Variants in NF2 observed in about 807,000 individuals in gnomAD.
NF2 encodes the protein NF2, moesin-ezrin-radixin like (MERLIN) tumor suppressor.
NF2 carries 8 observed loss-of-function variants against 83.7 expected under a neutral mutation model. The ratio of observed to expected loss-of-function variants is 0.10; its 90% CI spans 0.06 to 0.17. The LOEUF (loss-of-function observed/expected upper bound fraction) is 0.17, where lower values mean the gene tolerates loss of function less well. NF2 is among the 10% of genes least tolerant of loss of function. The pLI, the probability that NF2 is intolerant of heterozygous loss-of-function variation, is 1.00. For missense variants in NF2, 533 were observed against 744.4 expected, an observed-to-expected ratio of 0.72 and a Z score of 3.31; for synonymous variants, 266 against 269.6, an observed-to-expected ratio of 0.99 and a Z score of 0.13.
At chr22:29,684,445 T>A (rs1402266951) in intron 15 of NF2, among the ~76,000 whole-genome samples, 1 of 152,186 alleles carries the variant, frequency 6.6e-6, no homozygotes, top group Non-Finnish European at 1.5e-5. Flanking sequence ...AGGTGTTCCC[T>A]CCATGGGAAG....
At position 29,621,771 on chromosome 22, in the gene NF2, G is replaced by A. The variant is rs544575574; in HGVS notation, c.115-14980G>A. On this transcript the variant is annotated intron_variant, in intron 1 of 15. Transcript: ENST00000338641. ...CTCAGCCTCTCCTCCACTTCCTCAC[G>A]CACCCTCTTGCTCTGAGCCTATTAT... is the stretch of plus-strand genomic sequence containing the variant. 7.2e-5 allele frequency among the ~76,000 whole-genome samples: 11 copies of A among 152,172 alleles called. No homozygotes were observed. In the South Asian group the frequency reaches 1.5e-3, roughly 20 times the overall value.
intron 8 of NF2, among the ~76,000 whole-genome samples, chr22:29,664,340 T>C (rs929342356): frequency 6.6e-6 from 1 of 151,280 alleles, no homozygotes; most frequent in African/African-American, 2.4e-5. Flanking sequence ...GCTAAACCTA[T>C]TATATCATCT....
At chr22:29,685,492 C>T (rs567691800) in intron 15 of NF2, among the ~76,000 whole-genome samples, 1 of 152,080 alleles carries the variant, frequency 6.6e-6, no homozygotes, top group Non-Finnish European at 1.5e-5. Context: ...GTGACAGCCT[C>T]GACCTCCTGG....
intron 4 of NF2, among the ~76,000 whole-genome samples, 187 bp downstream of exon 4, chr22:29,642,472 G>T (rs558657632): frequency 9.9e-5 from 15 of 152,054 alleles, no homozygotes; most frequent in Non-Finnish European, 4.4e-5. Flanking sequence ...TCTTGTGTGT[G>T]TATGTGTGTG....
chr22:29,634,836 G>A (rs759697565), intron 1 of NF2, among the ~76,000 whole-genome samples: 1 of 152,152 alleles, frequency 6.6e-6, no homozygotes, highest in Non-Finnish European at 1.5e-5. Flanking sequence ...TTGTCCTATT[G>A]TCAGACTGGG....
intron 15 of NF2, among the ~76,000 whole-genome samples, chr22:29,685,848 G>A (rs1484856433): frequency 6.6e-6 from 1 of 152,142 alleles, no homozygotes; most frequent in Admixed American, 6.5e-5. Flanking sequence ...GTTACCAGGG[G>A]TTACCGCATT....
At chr22:29,646,212 C>A (rs2065978172) in intron 4 of NF2, among the ~76,000 whole-genome samples, 1 of 152,116 alleles carries the variant, frequency 6.6e-6, no homozygotes, top group Admixed American at 6.5e-5. Context: ...GGATTTGTGA[C>A]TTGTGCAAAC....
At chr22:29,679,414 C>T (rs952551762) in intron 14 of NF2, among the ~76,000 whole-genome samples, 2 of 152,252 alleles carry the variant, frequency 1.3e-5, no homozygotes, top group Non-Finnish European at 2.9e-5. Flanking sequence ...ATGTTCCTTT[C>T]ACCATTATCC....
At chr22:29,685,355 G>A (rs1009084276) in intron 15 of NF2, among the ~76,000 whole-genome samples, 4 of 151,868 alleles carry the variant, frequency 2.6e-5, no homozygotes, top group Non-Finnish European at 4.4e-5. Context: ...CAATCTGCCC[G>A]CCTCTGCCTC....
rs1223308494 is a variant in NF2 at position 29,698,091 on chromosome 22, G to C, written c.*3289G>C. The C allele has an allele frequency of 4.3e-6, 1 of 230,414 alleles. No individual in the cohort carries two copies. The highest frequency in any genetic ancestry group is 8.6e-6 in the Non-Finnish European group (1 of 116,248). 14.3% of individuals were successfully genotyped at this position (230,414 alleles called of 1,614,324 possible). On this transcript the variant is annotated 3_prime_UTR_variant, in exon 16 of 16. Coordinates refer to ENST00000338641, the MANE Select transcript of NF2 (RefSeq NM_000268.4). Reference sequence around the variant, plus strand: ...GCCAGTAGCCGTGTGCAGCTGTGTGGCACAGATGGCTTCGTTCATCCTGAT... The same window carrying C: ...GCCAGTAGCCGTGTGCAGCTGTGTGCCACAGATGGCTTCGTTCATCCTGAT...
intron 15 of NF2, chr22:29,682,982 A>G (rs764701371): frequency 1.2e-6 from 2 of 1,610,448 alleles, no homozygotes; most frequent in Non-Finnish European, 1.7e-6. Context: ...ATCACAGGGT[A>G]TGTTTTTGTT....
chr22:29,677,838 T>A (rs948305543), intron 13 of NF2, among the ~76,000 whole-genome samples: 3 of 152,266 alleles, frequency 2.0e-5, no homozygotes, highest in African/African-American at 7.2e-5. Flanking sequence ...GACTTTCAGC[T>A]GCTCAAAGCC....
chr22:29,676,701 A>G (rs1212571029), intron 13 of NF2, among the ~76,000 whole-genome samples: 4 of 152,192 alleles, frequency 2.6e-5, no homozygotes, highest in African/African-American at 9.7e-5. Flanking sequence ...ATCCCTGAAC[A>G]CAAATCTTGA....
chr22:29,609,152 G>A (rs1407407484), intron 1 of NF2: 2 of 753,280 alleles, frequency 2.7e-6, no homozygotes, highest in African/African-American at 3.4e-5. Context: ...TCAGGAGAAT[G>A]GGATGAAGGT....
Position 29,696,657 on chromosome 22 carries a change from C to T in NF2, c.*1855C>T. ...GAAACCAGCCCTGGGTGCCACCCAG[C>T]CACTTAGGGTCTACAGGGTGGGACT... On this transcript the variant is annotated 3_prime_UTR_variant, in exon 16 of 16. Transcript: ENST00000338641. The T allele has an allele frequency of 4.6e-6, 1 of 218,562 alleles. No individual in the cohort carries two copies. The highest frequency in any genetic ancestry group is 9.2e-6 in the Non-Finnish European group (1 of 108,728). The allele number at this position is 218,562 out of a possible 1,614,324, so 13.5% of individuals were successfully genotyped here. A position where few individuals can be genotyped will look rare whatever the true frequency, so the allele number is the denominator to read the frequency against.
chr22:29,640,797 G>A (rs953765161), intron 3 of NF2, among the ~76,000 whole-genome samples: 6 of 151,570 alleles, frequency 4.0e-5, no homozygotes, highest in African/African-American at 1.2e-4. Flanking sequence ...GTGTGCACGC[G>A]CAAAAGAGGT....
At chr22:29,610,782 T>A (rs1251624920) in intron 1 of NF2, among the ~76,000 whole-genome samples, 1 of 151,800 alleles carries the variant, frequency 6.6e-6, no homozygotes, top group Non-Finnish European at 1.5e-5. Flanking sequence ...TCTTCAAAAA[T>A]GAAAAAGAGG....
intron 1 of NF2, among the ~76,000 whole-genome samples, chr22:29,631,133 C>G (rs371461171): frequency 1.3e-5 from 2 of 152,180 alleles, no homozygotes; most frequent in South Asian, 4.1e-4. Context: ...ATATTCAGTA[C>G]TGCATTGAAC....
intron 9 of NF2, among the ~76,000 whole-genome samples, 169 bp downstream of exon 9, chr22:29,665,233 G>A (rs1489219974): frequency 7.7e-6 from 1 of 129,852 alleles, no homozygotes; most frequent in Non-Finnish European, 1.7e-5. Flanking sequence ...ATATCATGAA[G>A]AAGTTTTTTT....
Sources: allele counts gnomAD v4.1 joint callset (sites outside exome capture counted in the v4.1 genomes callset), GRCh38; gene constraint gnomAD v4.1.1; transcripts MANE v1.5; gene names NCBI Gene and HGNC (gene_info 2026-07-23, HGNC 2026-07-21).